Variants in TMED3 observed in about 807,000 individuals in gnomAD.
TMED3 encodes transmembrane emp24 domain-containing protein 3.
A neutral mutation model predicts 15.0 loss-of-function variants in TMED3; 9 were observed. The ratio of observed to expected loss-of-function variants is 0.60; its 90% confidence interval spans 0.36 to 1.04. TMED3 has a LOEUF of 1.04. Among genes scored for constraint, TMED3 ranks in the 50% least tolerant of loss-of-function variants. TMED3 has a pLI of 0.01. For missense variants in TMED3, 267 were observed against 278.9 expected (o/e 0.96, Z 0.30); for synonymous variants, 117 against 121.4 (o/e 0.96, Z 0.24).
intron 2 of TMED3, among the ~76,000 whole-genome samples, chr15:79,369,378 G>T (rs941788568): frequency 6.6e-6 from 1 of 152,142 alleles, no homozygotes; most frequent in Non-Finnish European, 1.5e-5. Context: ...TGACCGCCTG[G>T]TAAGTAAGGC....
In TMED3 at chr15:79,313,738, A is replaced by AT. The variant is rs775300620; in HGVS notation, c.169-12dup. On this transcript the variant is annotated intron_variant, in intron 1 of 2. Transcript: ENST00000299705. Reference sequence around the variant, plus strand: ...GGTGGTTGCTCCTTTGATAACAGCAATTTTTTTATGGTTGTCAGGTCATCA... The same window carrying AT: ...GGTGGTTGCTCCTTTGATAACAGCAATTTTTTTTATGGTTGTCAGGTCATCA... 4 of 1,604,758 alleles carry AT rather than the reference A, an allele frequency of 2.5e-6. No homozygotes were observed. In the South Asian group the frequency reaches 3.3e-5, roughly 13 times the overall value.
chr15:79,339,690 G>T (rs1253677859), intron 2 of TMED3, among the ~76,000 whole-genome samples: 1 of 152,066 alleles, frequency 6.6e-6, no homozygotes, highest in Non-Finnish European at 1.5e-5. Flanking sequence ...GGTGATGATG[G>T]TGGTGATGGT....
At position 79,311,382 on chromosome 15, in the gene TMED3, G is replaced by A. The variant is rs1194470078; in HGVS notation, c.133G>A (p.Val45Met). 1 of 1,611,928 alleles carries A rather than the reference G, an allele frequency of 6.2e-7. No homozygotes were observed. The highest frequency in any genetic ancestry group is 1.3e-5 in the African/African-American group (1 of 74,884). ...DNAKQCFHEE[V>M]EQGVKFSLDY... ...CGCCAAGCAGTGCTTCCACGAGGAG[G>A]TGGAGCAGGGCGTGAAGTTCTCCCT... The change falls in exon 1 of 3, where the codon GTG (valine) becomes ATG (methionine). Residue 45 changes from valine (V) to methionine (M), a missense_variant. By Grantham distance (21) the Val-to-Met change is conservative (BLOSUM62 1). This residue lies in a region of TMED3 where 69 missense variants were observed against 106.8 expected (regional missense o/e 0.65). Coordinates refer to ENST00000299705, the MANE Select transcript of TMED3 (RefSeq NM_007364.4).
intron 2 of TMED3, chr15:79,383,855 G>A (rs1167133167): frequency 6.6e-6 from 1 of 152,222 alleles, no homozygotes; most frequent in African/African-American, 2.4e-5. Context: ...CATTCCAAGG[G>A]CTTAAATGTT....
At chr15:79,381,534 T>G (rs1483450560) in intron 2 of TMED3, among the ~76,000 whole-genome samples, 1 of 152,228 alleles carries the variant, frequency 6.6e-6, no homozygotes, top group African/African-American at 2.4e-5. Flanking sequence ...TTAGCACTTT[T>G]GGGCAACTTT....
At chr15:79,316,589 G>A (rs1005432577) in intron 2 of TMED3, among the ~76,000 whole-genome samples, 8 of 152,172 alleles carry the variant, frequency 5.3e-5, no homozygotes, top group East Asian at 1.9e-4. Context: ...TGAAGACCTC[G>A]GCATCCGCTG....
At chr15:79,407,114 T>A (rs1420140490) in intron 2 of TMED3, among the ~76,000 whole-genome samples, 1 of 152,224 alleles carries the variant, frequency 6.6e-6, no homozygotes, top group African/African-American at 2.4e-5. Context: ...CATTTCCACC[T>A]TCCTGGCTCT....
rs1350282314 is a variant in TMED3 at position 79,311,130 on chromosome 15, C to T, written c.-120C>T. 7 of 1,170,552 alleles carry T rather than the reference C, an allele frequency of 6.0e-6. No individual in the cohort carries two copies. Among genetic ancestry groups the T allele is most frequent in the Admixed American group, 6.1e-5 (2 of 32,742 alleles). The allele number at this position is 1,170,552 out of a possible 1,614,324, so 72.5% of individuals were successfully genotyped here. ...CGCCGGCCCTCCCGGAAGCGCAGAG[C>T]TCCGCTGGTGCCACGTCTATCCCCT... On this transcript the variant is annotated 5_prime_UTR_variant, in exon 1 of 3. Transcript: ENST00000299705.
exon 3 of TMED3, chr15:79,412,238 T>A (rs1893995319): frequency 6.6e-6 from 1 of 152,172 alleles, no homozygotes; most frequent in East Asian, 1.9e-4. Flanking sequence ...CTGGTGCACA[T>A]GTGAGCAGGC....
At chr15:79,410,715 T>TATAC (rs1893967817) in intron 2 of TMED3, among the ~76,000 whole-genome samples, 3 of 151,986 alleles carry the variant, frequency 2.0e-5, no homozygotes, top group South Asian at 2.1e-4. Context: ...TATATATATA[T>TATAC]ACATTCTCGT....
intron 2 of TMED3, among the ~76,000 whole-genome samples, chr15:79,335,667 T>C (rs1050960432): frequency 1.3e-5 from 2 of 152,224 alleles, no homozygotes; most frequent in Non-Finnish European, 2.9e-5. Context: ...CATTAAAATA[T>C]ACAGCTGAGG....
intron 2 of TMED3, among the ~76,000 whole-genome samples, chr15:79,341,195 CAAAAAAAA>C (rs58885572): frequency 1.7e-5 from 1 of 58,346 alleles, no homozygotes; most frequent in Non-Finnish European, 2.8e-5. Context: ...GACCCTGTCT[CAAAAAAAA>C]AAAAAAAAAA....
chr15:79,360,503 A>G (rs1174511171), intron 2 of TMED3, among the ~76,000 whole-genome samples: 4 of 152,238 alleles, frequency 2.6e-5, no homozygotes, highest in East Asian at 3.8e-4. Context: ...AATAATAGCT[A>G]CTAACTGAGG....
At chr15:79,337,800 T>G (rs1156281246) in intron 2 of TMED3, among the ~76,000 whole-genome samples, 2 of 152,252 alleles carry the variant, frequency 1.3e-5, no homozygotes, top group Non-Finnish European at 2.9e-5. Flanking sequence ...ACCCTCAGTT[T>G]CCTCGTTTGT....
In TMED3 at chr15:79,311,300, C is replaced by T; in HGVS notation, c.51C>T (p.Leu17=). The change falls in exon 1 of 3, where the codon CTC becomes CTT. Residue 17 remains leucine (L), a synonymous_variant. Transcript: ENST00000299705. ...RSASVLLLLL[L]LRRAEQPCGA... Reference sequence around the variant, plus strand: ...CCTCCGTGCTGCTTCTGCTGCTGCTCCTGCGCCGGGCCGAGCAGCCCTGCG... The same window carrying T: ...CCTCCGTGCTGCTTCTGCTGCTGCTTCTGCGCCGGGCCGAGCAGCCCTGCG... The T allele has an allele frequency of 6.2e-7, 1 of 1,607,726 alleles. No homozygotes were observed.
chr15:79,331,603 G>C (rs2058809483), intron 2 of TMED3, among the ~76,000 whole-genome samples: 1 of 145,176 alleles, frequency 6.9e-6, no homozygotes, highest in Admixed American at 6.9e-5. Context: ...AAAAGACACA[G>C]AGTGAAGAGA....
rs370499981 is a variant in TMED3 at position 79,411,117 on chromosome 15, T to A, written c.418-283T>A. On this transcript the variant is annotated intron_variant, in intron 2 of 2. Transcript: ENST00000424155. ...CGGGAAGAAATAGTTGCAGAGATAT[T>A]AGGTAACTCACCCGGGGTCACACAG... 4.6e-5 allele frequency among the ~76,000 whole-genome samples: 7 copies of A among 152,286 alleles called. No individual in the cohort carries two copies. The East Asian group carries it at 1.4e-3, about 29-fold the overall frequency.
intron 2 of TMED3, among the ~76,000 whole-genome samples, chr15:79,362,969 A>C (rs951248952): frequency 6.6e-6 from 1 of 152,242 alleles, no homozygotes; most frequent in Non-Finnish European, 1.5e-5. Flanking sequence ...GTGCTATCAG[A>C]TAATGTAGCA....
chr15:79,397,782 G>A (rs1037578278), intron 2 of TMED3, among the ~76,000 whole-genome samples: 3 of 152,168 alleles, frequency 2.0e-5, no homozygotes, highest in African/African-American at 7.2e-5. Flanking sequence ...GTTCTATCCA[G>A]ATGACATTTT....
Sources: gnomAD v4.1 joint callset for allele counts (sites outside exome capture counted in the v4.1 genomes callset) on GRCh38, gnomAD v4.1.1 for gene constraint, gnomAD v4.1.1 regional missense constraint, MANE v1.5 for transcripts, NCBI Gene and HGNC (gene_info 2026-07-23, HGNC 2026-07-21) for gene names.